SLC35F5: variants seen among roughly 807,000 people sequenced by gnomAD.
SLC35F5 encodes HCV NS5A-transactivated protein 3.
Under a neutral mutation model 68.6 loss-of-function variants are expected in SLC35F5, and 54 were observed. The ratio of observed to expected loss-of-function variants is 0.79; its 90% CI spans 0.63 to 0.99. The LOEUF is 0.99. SLC35F5 is among the 50% of genes least tolerant of loss of function. SLC35F5 has a pLI of 0.00. For synonymous variants in SLC35F5, 211 were observed against 205.2 expected (o/e 1.03, Z -0.24); for missense variants, 567 against 626.9 (o/e 0.90, Z 1.02).
rs569704314 is a variant in SLC35F5, at chr2:113,744,818, C to T, written c.481-1024G>A. 3.3e-5 allele frequency among the ~76,000 whole-genome samples: 5 copies of T among 152,216 alleles called. No homozygotes were observed. The East Asian group carries it at 7.7e-4, about 23-fold the overall frequency. ...AGGTATAAAGTAATCAGGTAGCAGA[C>T]AAAACAATTAAAGCCAGGTTTGTCT... On this transcript the variant is annotated intron_variant, in intron 5 of 15. Transcript: ENST00000245680.
chr2:113,724,935 A>C (rs184128474), intron 12 of SLC35F5, among the ~76,000 whole-genome samples: 84 of 152,302 alleles, frequency 5.5e-4, no homozygotes, highest in Middle Eastern at 3.4e-3. Flanking sequence ...AAAATAAATA[A>C]AACAAAAACA....
intron 7 of SLC35F5, among the ~76,000 whole-genome samples, chr2:113,740,645 G>A (rs934022042): frequency 1.0e-4 from 15 of 148,842 alleles, no homozygotes; most frequent in African/African-American, 3.7e-4. Flanking sequence ...CTTTTTTTTT[G>A]AGACAGACCC....
intron 7 of SLC35F5, 125 bp from the exon 8 acceptor site, chr2:113,735,983 C>A (rs1688079432): frequency 3.5e-6 from 2 of 575,678 alleles, no homozygotes; most frequent in Non-Finnish European, 6.1e-6. Context: ...TTAAAAGCTG[C>A]TTTGTATTGA....
intron 15 of SLC35F5, among the ~76,000 whole-genome samples, chr2:113,716,770 T>C (rs1222123850): frequency 1.3e-5 from 2 of 152,168 alleles, no homozygotes; most frequent in Non-Finnish European, 2.9e-5. Flanking sequence ...GTAACTGCCT[T>C]GTACAAAAAG....
chr2:113,746,486 CACATAT>C, intron 4 of SLC35F5, 147 bp from the exon 5 acceptor site: 1 of 626,034 alleles, frequency 1.6e-6, no homozygotes, highest in South Asian at 1.8e-5. Context: ...CAGCTAATGC[CACATAT>C]TCACCATTGT....
intron 3 of SLC35F5, among the ~76,000 whole-genome samples, chr2:113,753,819 C>G (rs540286542): frequency 6.6e-6 from 1 of 151,936 alleles, no homozygotes; most frequent in Non-Finnish European, 1.5e-5. Flanking sequence ...TAAAAACAAA[C>G]TATTTATTTT....
intron 9 of SLC35F5, among the ~76,000 whole-genome samples, chr2:113,732,463 A>C (rs1424282602): frequency 6.6e-6 from 1 of 152,186 alleles, no homozygotes; most frequent in Non-Finnish European, 1.5e-5. Flanking sequence ...CACCCTGATG[A>C]GAAAGACCAG....
chr2:113,717,728 T>G (rs957365680), intron 15 of SLC35F5, 25 bp downstream of exon 15: 1 of 1,456,366 alleles, frequency 6.9e-7, no homozygotes, highest in Non-Finnish European at 9.5e-7. Flanking sequence ...CCTTATTCAA[T>G]ACTAAACCCA....
intron 13 of SLC35F5, 35 bp downstream of exon 13, chr2:113,723,069 C>A: frequency 7.0e-7 from 1 of 1,426,638 alleles, no homozygotes; most frequent in South Asian, 1.5e-5. Context: ...AATAACACAC[C>A]TAAAATATCT....
chr2:113,735,424 C>T (rs776201428), intron 8 of SLC35F5, among the ~76,000 whole-genome samples: 52 of 152,160 alleles, frequency 3.4e-4, no homozygotes, highest in Non-Finnish European at 1.6e-4. Flanking sequence ...AAGCCTATTG[C>T]TTGTAGGCTA....
intron 3 of SLC35F5, among the ~76,000 whole-genome samples, chr2:113,754,793 A>C: frequency 6.6e-6 from 1 of 152,200 alleles, no homozygotes; most frequent in East Asian, 1.9e-4. Flanking sequence ...GTCCAAAAGC[A>C]CTCTGAACCT....
At chr2:113,752,787 A>G (rs747033747) in intron 3 of SLC35F5, among the ~76,000 whole-genome samples, 5 of 152,204 alleles carry the variant, frequency 3.3e-5, no homozygotes, top group African/African-American at 4.8e-5. Context: ...CACCGGAGAA[A>G]ACTGGACTGG....
chr2:113,746,222 T>C, intron 5 of SLC35F5, 55 bp downstream of exon 5: 1 of 1,409,886 alleles, frequency 7.1e-7, no homozygotes, highest in Non-Finnish European at 1.0e-6. Flanking sequence ...TTTCAGTTTT[T>C]CCTACCATGG....
At chr2:113,741,581 A>AT (rs1182735471) in intron 7 of SLC35F5, among the ~76,000 whole-genome samples, 1 of 151,920 alleles carries the variant, frequency 6.6e-6, no homozygotes, top group East Asian at 1.9e-4. Flanking sequence ...CATGCCTGTA[A>AT]TCCCAGCTAC....
rs11448220 is a variant in SLC35F5 at position 113,741,699 on chromosome 2, TA to T, written c.750+992del. Among the ~76,000 whole-genome samples, 545 of 142,050 alleles carry T rather than the reference TA, an allele frequency of 3.8e-3. 1 individual carries two copies. Among genetic ancestry groups the T allele is most frequent in the African/African-American group, 0.01 (392 of 37,896 alleles). The allele number at this position is 142,050 out of a possible 152,430, so 93.2% of individuals were successfully genotyped here. The stretch of plus-strand genomic sequence containing the variant: ...CTGGGCAACAAGAGCGAAACTCCAT[TA>T]AAAAAAAAAAAAAAGATCGAAATGG... On this transcript the variant is annotated intron_variant, in intron 7 of 15. Coordinates refer to ENST00000245680, the MANE Select transcript of SLC35F5 (RefSeq NM_025181.5).
Position 113,733,622 on chromosome 2 carries a change from C to T in SLC35F5, c.920+964G>A, listed in dbSNP as rs1404770783. Among the ~76,000 whole-genome samples, 13 of 152,186 alleles carry T rather than the reference C, an allele frequency of 8.5e-5. No homozygotes were observed. In the South Asian group the frequency reaches 2.1e-3, roughly 24 times the overall value. On this transcript the variant is annotated intron_variant, in intron 9 of 15. Coordinates refer to ENST00000245680, the MANE Select transcript of SLC35F5 (RefSeq NM_025181.5). ...TCAACCAGCTGCCCATTGGAGCAAC[C>T]GTGGTTAATTTACCCTTATAACTAA... is the stretch of plus-strand genomic sequence containing the variant.
At position 113,742,708 on chromosome 2, in the gene SLC35F5, A is replaced by C. The variant is rs778939844; in HGVS notation, c.734T>G (p.Phe245Cys). 3 of 1,613,922 alleles carry C rather than the reference A, an allele frequency of 1.9e-6. No individual in the cohort carries two copies. In the African/African-American group the frequency reaches 4.0e-5, roughly 22 times the overall value. Reference protein sequence around the residue: ...LTATQVAKISFFFCFVWFLAN... With the variant: ...LTATQVAKISCFFCFVWFLAN... ...AAGACCTACCACAAAGCAAAAAAAA[A>C]AGCTAATTTTCGCTACTTGAGTTGC... The change falls in exon 7 of 16, where the codon TTT (phenylalanine) becomes TGT (cysteine). Residue 245 changes from phenylalanine (F) to cysteine (C), a missense_variant. Coordinates refer to ENST00000245680, the MANE Select transcript of SLC35F5 (RefSeq NM_025181.5).
intron 15 of SLC35F5, among the ~76,000 whole-genome samples, chr2:113,716,238 T>A (rs543822954): frequency 6.6e-6 from 1 of 152,298 alleles, no homozygotes; most frequent in South Asian, 2.1e-4. Context: ...AAGACTGGTA[T>A]AATGTCTATA....
chr2:113,732,174 C>T (rs559816076), intron 9 of SLC35F5, among the ~76,000 whole-genome samples: 3 of 152,186 alleles, frequency 2.0e-5, no homozygotes, highest in South Asian at 2.1e-4. Flanking sequence ...ACTATCCTTA[C>T]GTGCTTAAAC....
Sources: gnomAD v4.1 joint callset for allele counts (sites outside exome capture counted in the v4.1 genomes callset) on GRCh38, gnomAD v4.1.1 for gene constraint, MANE v1.5 for transcripts, NCBI Gene and HGNC (gene_info 2026-07-23, HGNC 2026-07-21) for gene names.